Variants in GPHN observed in about 807,000 individuals in gnomAD.
GPHN encodes the protein gephyrin.
A neutral mutation model predicts 95.5 loss-of-function variants in GPHN; 17 were observed. That is an observed-to-expected ratio of 0.18 (90% CI 0.12 to 0.27). The LOEUF is 0.27. Ranked by LOEUF, GPHN falls within the 10% of genes least tolerant of loss-of-function variation. The pLI is 1.00. For synonymous variants in GPHN, 320 were observed against 322.5 expected (o/e 0.99, Z 0.08); for missense variants, 660 against 978.1 (o/e 0.67, Z 4.34).
chr14:66,705,241 G>A (rs1157707014), intron 2 of GPHN, among the ~76,000 whole-genome samples: 1 of 152,248 alleles, frequency 6.6e-6, no homozygotes, highest in African/African-American at 2.4e-5. Flanking sequence ...GAAGTACAAA[G>A]AGGAGATGGT....
chr14:67,466,621 C>T, the GPHN span, among the ~76,000 whole-genome samples: 3 of 152,220 alleles, frequency 2.0e-5, no homozygotes, highest in Non-Finnish European at 4.4e-5. Context: ...GCACTCACTA[C>T]GTGCTTCCTT....
chr14:67,254,242 G>A, the GPHN span: 2 of 145,278 alleles, frequency 1.4e-5, no homozygotes, highest in African/African-American at 5.1e-5. Context: ...TGCCTCAGCA[G>A]CCTTTTTCTT....
chr14:67,222,800 A>G, the GPHN span, among the ~76,000 whole-genome samples: 1 of 152,300 alleles, frequency 6.6e-6, no homozygotes, highest in South Asian at 2.1e-4. Flanking sequence ...AGCTTCAGTC[A>G]TGCACATAAA....
At chr14:67,702,855 C>G in the GPHN span, among the ~76,000 whole-genome samples, 1 of 152,054 alleles carries the variant, frequency 6.6e-6, no homozygotes, top group South Asian at 2.1e-4. Flanking sequence ...ACTCTGTTGC[C>G]CAGGGTAGAG....
chr14:67,558,295 C>T, the GPHN span, among the ~76,000 whole-genome samples: 2 of 152,222 alleles, frequency 1.3e-5, no homozygotes, highest in Non-Finnish European at 2.9e-5. Flanking sequence ...CTACACATGC[C>T]TTCTCCATGT....
chr14:66,647,479 C>T (rs1279792874), intron 1 of GPHN, among the ~76,000 whole-genome samples: 1 of 150,648 alleles, frequency 6.6e-6, no homozygotes. Flanking sequence ...TACAGTAGTC[C>T]CTCCTTTTCT....
At chr14:66,535,312 C>T (rs1346065109) in intron 1 of GPHN, among the ~76,000 whole-genome samples, 1 of 152,046 alleles carries the variant, frequency 6.6e-6, no homozygotes, top group African/African-American at 2.4e-5. Flanking sequence ...AGTGTATATG[C>T]TCTTCCACTG....
intron 1 of GPHN, among the ~76,000 whole-genome samples, chr14:66,628,353 C>T (rs1190771821): frequency 5.9e-5 from 9 of 152,068 alleles, no homozygotes; most frequent in African/African-American, 2.2e-4. Flanking sequence ...GGCTGTATGG[C>T]ATAGGCTATT....
chr14:67,169,348 C>T lies in GPHN; in HGVS notation c.2079+312C>T, dbSNP rs112706047. On this transcript the variant is annotated intron_variant, in intron 21 of 22. Transcript: ENST00000478722. ...GGATATATCTGGCTCTACCCTAACA[C>T]TAGACCTGTCTGGAACAAGGGAGAA... Among the ~76,000 whole-genome samples the T allele has an allele frequency of 2.9e-3, 443 of 152,322 alleles. 2 individuals carry two copies. The highest frequency in any genetic ancestry group is 9.9e-3 in the African/African-American group (410 of 41,568).
intron 9 of GPHN, among the ~76,000 whole-genome samples, chr14:66,990,377 A>G (rs183537203): frequency 1.7e-3 from 265 of 152,284 alleles, no homozygotes; most frequent in Non-Finnish European, 2.5e-3. Context: ...GAAGATTTCA[A>G]TTAGATGAAA....
chr14:67,575,298 C>A, the GPHN span: 3 of 728,022 alleles, frequency 4.1e-6, no homozygotes, highest in African/African-American at 1.8e-5. Context: ...TACCATAGGT[C>A]AAATCTGTCT....
At chr14:67,491,858 C>G in the GPHN span, among the ~76,000 whole-genome samples, 2 of 152,210 alleles carry the variant, frequency 1.3e-5, no homozygotes, top group Non-Finnish European at 2.9e-5. Context: ...CTGTGTCTGT[C>G]CAGCTCCCCC....
intron 17 of GPHN, among the ~76,000 whole-genome samples, chr14:67,128,750 T>G (rs955102493): frequency 6.6e-6 from 1 of 151,490 alleles, no homozygotes; most frequent in Non-Finnish European, 1.5e-5. Flanking sequence ...GCCTGGCCAG[T>G]ATGGTGAAAC....
the GPHN span, among the ~76,000 whole-genome samples, chr14:67,622,948 T>G: frequency 6.6e-6 from 1 of 152,226 alleles, no homozygotes; most frequent in Admixed American, 6.5e-5. Context: ...GTCACAGCTC[T>G]TGGTATTTTT....
At chr14:67,242,534 A>C in the GPHN span, among the ~76,000 whole-genome samples, 1 of 152,210 alleles carries the variant, frequency 6.6e-6, no homozygotes, top group Non-Finnish European at 1.5e-5. Flanking sequence ...TAAATTATGC[A>C]ATAGGAACAA....
At chr14:67,020,452 G>T (rs2043541295) in intron 9 of GPHN, among the ~76,000 whole-genome samples, 1 of 151,926 alleles carries the variant, frequency 6.6e-6, no homozygotes, top group Non-Finnish European at 1.5e-5. Context: ...TTTTTTTAAG[G>T]CATTTTCACT....
At chr14:66,864,826 T>C (rs2063167628) in intron 4 of GPHN, among the ~76,000 whole-genome samples, 1 of 152,166 alleles carries the variant, frequency 6.6e-6, no homozygotes, top group Admixed American at 6.5e-5. Context: ...CTCCCATGTT[T>C]CTGGCAGCAC....
chr14:67,669,598 A>G, the GPHN span, among the ~76,000 whole-genome samples: 2 of 152,112 alleles, frequency 1.3e-5, no homozygotes, highest in African/African-American at 4.8e-5. Context: ...CAGAAGAAGA[A>G]ACATTTTGTA....
the GPHN span, among the ~76,000 whole-genome samples, chr14:67,286,591 C>T: frequency 1.3e-5 from 2 of 152,040 alleles, no homozygotes; most frequent in African/African-American, 4.8e-5. Flanking sequence ...CGTGGTGGCT[C>T]ATGCCTATAA....
Sources: gnomAD v4.1 joint callset for allele counts (sites outside exome capture counted in the v4.1 genomes callset) on GRCh38, gnomAD v4.1.1 for gene constraint, MANE v1.5 for transcripts, NCBI Gene and HGNC (gene_info 2026-07-23, HGNC 2026-07-21) for gene names.